PALM2AKAP2: variants seen among roughly 807,000 people sequenced by gnomAD.
PALM2AKAP2 encodes PALM2 and AKAP2 fusion.
PALM2AKAP2 carries 37 observed loss-of-function variants against 71.5 expected under a neutral mutation model. That is an observed-to-expected ratio of 0.52 (90% CI 0.40 to 0.68). PALM2AKAP2 has a LOEUF of 0.68. Among genes scored for constraint, PALM2AKAP2 ranks in the 30% least tolerant of loss-of-function variants. The pLI, the probability that PALM2AKAP2 is intolerant of heterozygous loss-of-function variation, is 0.00. For synonymous variants in PALM2AKAP2, 468 were observed against 478.8 expected, an observed-to-expected ratio of 0.98 and a Z score of 0.29; for missense variants, 1,224 against 1,191.8, an observed-to-expected ratio of 1.03 and a Z score of -0.40.
intron 1 of PALM2AKAP2, among the ~76,000 whole-genome samples, chr9:110,098,636 CCT>C (rs137967456): frequency 0.046 from 6,983 of 152,212 alleles, 552 homozygotes; most frequent in African/African-American, 0.16. Flanking sequence ...GAACTCAAGT[CCT>C]CTGACACATC....
intron 1 of PALM2AKAP2, among the ~76,000 whole-genome samples, chr9:109,840,024 C>T (rs1036812938): frequency 3.3e-5 from 5 of 152,116 alleles, no homozygotes; most frequent in African/African-American, 4.8e-5. Flanking sequence ...TTTTAAAGTT[C>T]ATATGGAACC....
chr9:109,985,331 T>C (rs1208031046), intron 6 of PALM2AKAP2, among the ~76,000 whole-genome samples: 1 of 152,110 alleles, frequency 6.6e-6, no homozygotes, highest in East Asian at 1.9e-4. Flanking sequence ...CAATGTGAAA[T>C]ATGCTTAATT....
chr9:109,729,635 G>A (rs1000378171), intron 1 of PALM2AKAP2, among the ~76,000 whole-genome samples: 4 of 152,138 alleles, frequency 2.6e-5, no homozygotes, highest in African/African-American at 4.8e-5. Flanking sequence ...CTGTCAGTGC[G>A]GTATGACAGA....
At chr9:109,680,771 A>G (rs537857393) in intron 1 of PALM2AKAP2, among the ~76,000 whole-genome samples, 1 of 152,342 alleles carries the variant, frequency 6.6e-6, no homozygotes, top group African/African-American at 2.4e-5. Context: ...ATATAATATG[A>G]AAGTGTCTGT....
At chr9:109,925,179 A>T in intron 5 of PALM2AKAP2, 97 bp downstream of exon 5, 1 of 1,573,544 alleles carries the variant, frequency 6.4e-7, no homozygotes, top group Non-Finnish European at 8.7e-7. Context: ...TACTGTGTTG[A>T]TTTGTAAAGG....
chr9:109,766,967 C>A (rs555243001), intron 1 of PALM2AKAP2, among the ~76,000 whole-genome samples: 5 of 152,330 alleles, frequency 3.3e-5, no homozygotes, highest in African/African-American at 1.2e-4. Context: ...ATGCTGCTGA[C>A]TGGCATTTAT....
At chr9:109,824,611 A>G (rs1034399251) in intron 1 of PALM2AKAP2, among the ~76,000 whole-genome samples, 9 of 152,084 alleles carry the variant, frequency 5.9e-5, no homozygotes, top group Non-Finnish European at 1.2e-4. Flanking sequence ...CTACAGATGG[A>G]CCCTTTGGTT....
At chr9:110,000,465 A>G (rs957930860) in intron 6 of PALM2AKAP2, among the ~76,000 whole-genome samples, 18 of 152,200 alleles carry the variant, frequency 1.2e-4, no homozygotes, top group African/African-American at 4.1e-4. Context: ...TACTGCCGCA[A>G]TAAACATATG....
intron 1 of PALM2AKAP2, among the ~76,000 whole-genome samples, chr9:109,724,132 A>G (rs1308464296): frequency 6.6e-6 from 1 of 152,206 alleles, no homozygotes; most frequent in African/African-American, 2.4e-5. Flanking sequence ...GTAATGTCCA[A>G]TAATAAAATA....
intron 1 of PALM2AKAP2, among the ~76,000 whole-genome samples, chr9:109,767,072 A>G (rs1448510950): frequency 1.3e-5 from 2 of 152,150 alleles, no homozygotes; most frequent in Non-Finnish European, 2.9e-5. Context: ...AGGCACTATT[A>G]ATTTCATTTT....
At chr9:109,745,746 A>G (rs769564421) in intron 1 of PALM2AKAP2, among the ~76,000 whole-genome samples, 4 of 152,152 alleles carry the variant, frequency 2.6e-5, no homozygotes, top group Non-Finnish European at 5.9e-5. Context: ...ATGAGCACGC[A>G]GTGGTGTGGC....
At position 109,848,296 on chromosome 9, in the gene PALM2AKAP2, T is replaced by G. The variant is rs148217352; in HGVS notation, c.46-19195T>G. Among the ~76,000 whole-genome samples, 608 of 152,364 alleles carry G rather than the reference T, an allele frequency of 4.0e-3. 1 individual carries two copies. Among genetic ancestry groups the G allele is most frequent in the African/African-American group, 0.014 (579 of 41,586 alleles). ...CTTGCTCAAGGTCATCAGCACTGTC[T>G]GGTGGAGCTGGGACTCGAACCCAGT... On this transcript the variant is annotated intron_variant, in intron 1 of 9. Transcript: ENST00000302798.
chr9:109,765,493 A>G (rs1829137219), intron 1 of PALM2AKAP2: 1 of 156,744 alleles, frequency 6.4e-6, no homozygotes, highest in Non-Finnish European at 1.4e-5. Context: ...CATCATCATC[A>G]TCATCATCAT....
chr9:109,864,945 T>C (rs918401628), intron 1 of PALM2AKAP2, among the ~76,000 whole-genome samples: 1 of 152,172 alleles, frequency 6.6e-6, no homozygotes, highest in Admixed American at 6.5e-5. Flanking sequence ...GTTGAGTCAT[T>C]GATCTCTGTT....
intron 1 of PALM2AKAP2, among the ~76,000 whole-genome samples, chr9:109,831,813 C>T (rs1256937188): frequency 6.6e-6 from 1 of 152,140 alleles, no homozygotes; most frequent in Non-Finnish European, 1.5e-5. Flanking sequence ...TTTCTGATTG[C>T]TGCATTAGTC....
At position 110,161,991 on chromosome 9, in the gene PALM2AKAP2, C is replaced by T. The variant is rs1836611974; in HGVS notation, c.2748+5494C>T. On this transcript the variant is annotated intron_variant, in intron 3 of 3. Coordinates refer to ENST00000374525, the Ensembl canonical transcript of PALM2AKAP2. ...GTAGAATGGCCTCCTGGTATTACTT[C>T]CCCTCCCATCCTCTTCTGGTGTGGT... 5.5e-6 allele frequency: 8 copies of T among 1,464,780 alleles called. No homozygotes were observed. The South Asian group carries it at 7.0e-5, about 13-fold the overall frequency. The allele number at this position is 1,464,780 out of a possible 1,614,324, so 90.7% of individuals were successfully genotyped here. A position where few individuals can be genotyped will look rare whatever the true frequency, so the allele number is the denominator to read the frequency against.
chr9:109,691,909 CACATATATATATATACACAT>C (rs1827901050), intron 1 of PALM2AKAP2, among the ~76,000 whole-genome samples: 1 of 89,084 alleles, frequency 1.1e-5, no homozygotes, highest in Non-Finnish European at 2.2e-5. Context: ...TATACACACA[CACATATATATATATACACAT>C]ATATATATAT....
At chr9:109,916,977 G>C (rs749866674) in intron 3 of PALM2AKAP2, among the ~76,000 whole-genome samples, 1 of 152,170 alleles carries the variant, frequency 6.6e-6, no homozygotes, top group Non-Finnish European at 1.5e-5. Flanking sequence ...ATGGCAAAGA[G>C]GAATTAAAAT....
intron 1 of PALM2AKAP2, among the ~76,000 whole-genome samples, chr9:109,703,788 G>A (rs577244068): frequency 1.4e-5 from 2 of 142,882 alleles, no homozygotes; most frequent in South Asian, 4.4e-4. Context: ...GGCAGGTACT[G>A]AGGTAAAAAA....
Sources: gnomAD v4.1 joint callset for allele counts (sites outside exome capture counted in the v4.1 genomes callset) on GRCh38, gnomAD v4.1.1 for gene constraint, MANE v1.5 for transcripts, NCBI Gene and HGNC (gene_info 2026-07-23, HGNC 2026-07-21) for gene names.